Variants in CLASP1 observed in about 807,000 individuals in gnomAD.
CLASP1 encodes CLIP-associating protein 1.
In CLASP1, 38 loss-of-function variants were observed where a neutral mutation model predicts 192.3. That is an observed-to-expected ratio of 0.20 (90% CI 0.15 to 0.26). The LOEUF is 0.26. Ranked by LOEUF, CLASP1 falls within the 10% of genes least tolerant of loss-of-function variation. CLASP1 has a pLI of 1.00. For missense variants in CLASP1, 1,433 were observed against 1,932.5 expected, an observed-to-expected ratio of 0.74 and a Z score of 4.85; for synonymous variants, 691 against 712.8, an observed-to-expected ratio of 0.97 and a Z score of 0.49.
chr2:121,625,716 G>A (rs1398642790), intron 1 of CLASP1, among the ~76,000 whole-genome samples: 2 of 151,574 alleles, frequency 1.3e-5, no homozygotes, highest in Non-Finnish European at 2.9e-5. Flanking sequence ...TTACAAGCAT[G>A]AGCCACCGCG....
chr2:121,459,797 C>T lies in CLASP1; in HGVS notation c.1178+183G>A, dbSNP rs570777215. 5 of 439,292 alleles carry T rather than the reference C, an allele frequency of 1.1e-5. No homozygotes were observed. The South Asian group carries it at 5.7e-4, about 50-fold the overall frequency. 27.2% of individuals were successfully genotyped at this position (439,292 alleles called of 1,614,324 possible). On this transcript the variant is annotated intron_variant, in intron 12 of 39. Transcript: ENST00000263710. ...ACTGAATAAAATTTAAAATCTGTCA[C>T]ACTTCACATAATTGAGCAAAAAGTA...
intron 6 of CLASP1, among the ~76,000 whole-genome samples, chr2:121,518,666 G>A (rs903494192): frequency 2.0e-5 from 3 of 151,826 alleles, no homozygotes; most frequent in Non-Finnish European, 4.4e-5. Flanking sequence ...TCAGGAGTTC[G>A]AGACCAGCCT....
At chr2:121,555,536 A>G (rs557661612) in intron 2 of CLASP1, among the ~76,000 whole-genome samples, 5 of 152,348 alleles carry the variant, frequency 3.3e-5, no homozygotes, top group Admixed American at 1.3e-4. Context: ...TGAATAAGAC[A>G]AACAGGAAAG....
At chr2:121,418,055 T>C (rs918214995) in intron 23 of CLASP1, among the ~76,000 whole-genome samples, 1 of 152,264 alleles carries the variant, frequency 6.6e-6, no homozygotes, top group South Asian at 2.1e-4. Flanking sequence ...CACAAAAGTA[T>C]GTGTTGACAG....
At chr2:121,646,883 C>T (rs925440140) in intron 1 of CLASP1, among the ~76,000 whole-genome samples, 1 of 151,036 alleles carries the variant, frequency 6.6e-6, no homozygotes, top group Non-Finnish European at 1.5e-5. Context: ...TAAGAAAACG[C>T]AAAAAAATTA....
chr2:121,611,743 C>G (rs1358458388), intron 1 of CLASP1, among the ~76,000 whole-genome samples: 2 of 125,074 alleles, frequency 1.6e-5, no homozygotes, highest in South Asian at 2.6e-4. Flanking sequence ...GGAGGAGTTA[C>G]AGGAGAAAGA....
At chr2:121,347,295 G>A (rs933229782) in intron 38 of CLASP1, 141 bp from the exon 40 acceptor site, 23 of 619,550 alleles carry the variant, frequency 3.7e-5, no homozygotes, top group Non-Finnish European at 6.1e-5. Context: ...CCTCAGCCCC[G>A]CAATGGAATC....
At chr2:121,383,058 T>C (rs1159799883) in intron 32 of CLASP1, among the ~76,000 whole-genome samples, 4 of 152,230 alleles carry the variant, frequency 2.6e-5, no homozygotes, top group African/African-American at 9.6e-5. Context: ...TTCATAAATG[T>C]CACTGGGTGC....
At chr2:121,354,626 C>G (rs551556795) in intron 37 of CLASP1, among the ~76,000 whole-genome samples, 1 of 152,252 alleles carries the variant, frequency 6.6e-6, no homozygotes, top group South Asian at 2.1e-4. Context: ...AGTATCATAA[C>G]ACACCAGCCT....
At chr2:121,579,910 A>C (rs975270819) in intron 2 of CLASP1, among the ~76,000 whole-genome samples, 1 of 152,252 alleles carries the variant, frequency 6.6e-6, no homozygotes, top group Non-Finnish European at 1.5e-5. Flanking sequence ...TCATTAAAAC[A>C]AGCTAAATTC....
intron 7 of CLASP1, chr2:121,505,373 C>CTAT (rs1462439006): frequency 6.6e-6 from 1 of 152,186 alleles, no homozygotes; most frequent in Non-Finnish European, 1.5e-5. Context: ...ATAAACATAA[C>CTAT]TATTACTAGT....
intron 19 of CLASP1, among the ~76,000 whole-genome samples, chr2:121,444,448 C>A (rs2083955427): frequency 6.6e-6 from 1 of 152,076 alleles, no homozygotes. Flanking sequence ...TTTTTTATTT[C>A]TTTAAATTAC....
chr2:121,447,325 G>A lies in CLASP1; in HGVS notation c.1912+12C>T. 1.9e-6 allele frequency: 3 copies of A among 1,585,582 alleles called. No homozygotes were observed. The highest frequency in any genetic ancestry group is 2.6e-6 in the Non-Finnish European group (3 of 1,166,122). ...CAGTGCAGGAGGGAAAGGGTGACAGGGGTGTGGTTACCTAAGGATGCGTAT... is the reference window on the plus strand; with the variant it reads ...CAGTGCAGGAGGGAAAGGGTGACAGAGGTGTGGTTACCTAAGGATGCGTAT... On this transcript the variant is annotated intron_variant, in intron 19 of 39. Transcript: ENST00000263710.
rs770048112 is a variant in CLASP1, at chr2:121,382,269, G to A, written c.3430C>T (p.Gln1144Ter). 1 of 1,605,512 alleles carries A rather than the reference G, an allele frequency of 6.2e-7. No individual in the cohort carries two copies. The highest frequency in any genetic ancestry group is 8.5e-7 in the Non-Finnish European group (1 of 1,176,224). Residue 1144 changes from glutamine to a stop codon, truncating the protein, a stop_gained, in exon 33 of 40, where the codon CAG (glutamine) becomes TAG (stop). Transcript: ENST00000263710. LOFTEE classifies it high-confidence loss of function. ...GGAGCGGTGGGGATGGAGTTAGGCT[G>A]AGAAAAGGGAGGTGGGTGCTTCGCT...
At position 121,441,255 on chromosome 2, in the gene CLASP1, G is replaced by T. The variant is rs368589700; in HGVS notation, c.1912+6082C>A. On this transcript the variant is annotated intron_variant, in intron 19 of 39. Transcript: ENST00000263710. Reference sequence around the variant, plus strand: ...ATTATAAAATTAAAAGGTCTTCAAAGTAAGTCTCTGTTCTCATCACACTGG... The same window carrying T: ...ATTATAAAATTAAAAGGTCTTCAAATTAAGTCTCTGTTCTCATCACACTGG... 3.3e-5 allele frequency among the ~76,000 whole-genome samples: 5 copies of T among 152,156 alleles called. No individual in the cohort carries two copies. In the East Asian group the frequency reaches 9.7e-4, roughly 29 times the overall value.
At chr2:121,478,184 T>A (rs570402610) in intron 8 of CLASP1, among the ~76,000 whole-genome samples, 3 of 152,258 alleles carry the variant, frequency 2.0e-5, no homozygotes, top group East Asian at 1.9e-4. Flanking sequence ...TCAATATACA[T>A]CATAGTTGTC....
At chr2:121,528,704 C>A (rs2094650934) in exon 4 of CLASP1, 1 of 1,614,046 alleles carries the variant, frequency 6.2e-7, no homozygotes, top group Admixed American at 1.7e-5. Flanking sequence ...GATCCATGAT[C>A]TTTAGCAGCA....
intron 1 of CLASP1, among the ~76,000 whole-genome samples, chr2:121,643,085 G>A (rs2072452750): frequency 6.6e-6 from 1 of 151,956 alleles, no homozygotes; most frequent in Non-Finnish European, 1.5e-5. Flanking sequence ...CAGCTATCCT[G>A]AATGAAGACA....
intron 33 of CLASP1, among the ~76,000 whole-genome samples, chr2:121,378,068 T>C (rs1245841566): frequency 6.6e-6 from 1 of 152,216 alleles, no homozygotes; most frequent in African/African-American, 2.4e-5. Context: ...GCTAGTACTA[T>C]AAGCAAATTT....
Sources: allele counts gnomAD v4.1 joint callset (sites outside exome capture counted in the v4.1 genomes callset), GRCh38; gene constraint gnomAD v4.1.1; transcripts MANE v1.5; gene names NCBI Gene and HGNC (gene_info 2026-07-23, HGNC 2026-07-21).